The following ZNF420 variants were observed in gnomAD, a reference collection of about 807,000 sequenced individuals.
ZNF420 encodes the protein zinc finger protein 420, also known as ATM and p53-associated KZNF protein.
Under a neutral mutation model 44.7 loss-of-function variants are expected in ZNF420, and 31 were observed. The ratio of observed to expected loss-of-function variants is 0.69; its 90% confidence interval spans 0.52 to 0.94. The LOEUF (loss-of-function observed/expected upper bound fraction) is 0.94, where lower values mean the gene tolerates loss of function less well. Among genes scored for constraint, ZNF420 ranks in the 40% least tolerant of loss-of-function variants. ZNF420 has a pLI of 0.00. For missense variants in ZNF420, 681 were observed against 827.9 expected (o/e 0.82, Z 2.18); for synonymous variants, 245 against 267.4 (o/e 0.92, Z 0.82).
Position 37,029,419 on chromosome 19 carries a change from A to G in ZNF420, c.-125+21337A>G, listed in dbSNP as rs540584618. On this transcript the variant is annotated intron_variant, in intron 1 of 4. Coordinates refer to the ZNF420 transcript ENST00000587029. ...TAATGCATACATAAAATTCAATTCA[A>G]TAGGTATAAAAATGTTAAGTAACCT... Among the ~76,000 whole-genome samples the G allele has an allele frequency of 1.1e-4, 16 of 152,354 alleles. No individual in the cohort carries two copies. In the East Asian group the frequency reaches 3.1e-3, roughly 29 times the overall value.
At chr19:37,012,345 C>A (rs186170012) in intron 1 of ZNF420, among the ~76,000 whole-genome samples, 46 of 152,230 alleles carry the variant, frequency 3.0e-4, no homozygotes, top group Non-Finnish European at 6.0e-4. Context: ...GCGTGAGGCG[C>A]GAACAGATTC....
chr19:37,074,071 A>T (rs1394696756), upstream of ZNF420, among the ~76,000 whole-genome samples: 1 of 152,184 alleles, frequency 6.6e-6, no homozygotes, highest in Non-Finnish European at 1.5e-5. Flanking sequence ...CCATTTTGCA[A>T]CTCCTAACTT....
chr19:37,015,286 T>C (rs1319283460), intron 1 of ZNF420, among the ~76,000 whole-genome samples: 1 of 152,186 alleles, frequency 6.6e-6, no homozygotes, highest in African/African-American at 2.4e-5. Flanking sequence ...TTGTTTTGCT[T>C]GTAGTTCCTG....
intron 1 of ZNF420, among the ~76,000 whole-genome samples, chr19:37,047,804 AG>A (rs1340638589): frequency 6.6e-6 from 1 of 152,202 alleles, no homozygotes; most frequent in Admixed American, 6.5e-5. Context: ...CCTGTGAACT[AG>A]GTATTTCCTT....
At chr19:37,012,646 G>T (rs1308815618) in intron 1 of ZNF420, among the ~76,000 whole-genome samples, 1 of 152,202 alleles carries the variant, frequency 6.6e-6, no homozygotes, top group East Asian at 1.9e-4. Flanking sequence ...CTCGAGGACA[G>T]GTCTGCCTGT....
intron 1 of ZNF420, among the ~76,000 whole-genome samples, chr19:37,018,002 A>T (rs1368681435): frequency 6.6e-6 from 1 of 152,186 alleles, no homozygotes; most frequent in African/African-American, 2.4e-5. Context: ...AAAAAGTTTC[A>T]TTTCTATACA....
At chr19:37,080,768 C>T (rs994419168) in intron 2 of ZNF420, among the ~76,000 whole-genome samples, 2 of 151,976 alleles carry the variant, frequency 1.3e-5, no homozygotes, top group African/African-American at 4.8e-5. Flanking sequence ...AGCTTAAAAA[C>T]GATCACGGCC....
At chr19:37,050,051 C>G (rs992270521) in intron 1 of ZNF420, among the ~76,000 whole-genome samples, 2 of 152,102 alleles carry the variant, frequency 1.3e-5, no homozygotes, top group Non-Finnish European at 2.9e-5. Context: ...TTTCTGAGGG[C>G]TCTTTTCTGT....
At chr19:37,041,978 A>ATTTTCTTTTTTCTTTTATTTTCTGT (rs1568427231) in intron 1 of ZNF420, among the ~76,000 whole-genome samples, 1 of 151,928 alleles carries the variant, frequency 6.6e-6, no homozygotes, top group African/African-American at 2.4e-5. Context: ...TCCAGCGTCT[A>ATTTTCTTTTTTCTTTTATTTTCTGT]TTTTCTTTTT....
chr19:37,057,479 TC>T (rs1967780259), intron 1 of ZNF420, among the ~76,000 whole-genome samples: 1 of 146,710 alleles, frequency 6.8e-6, no homozygotes, highest in Non-Finnish European at 1.5e-5. Flanking sequence ...TGTCTCTCAC[TC>T]TCTGTCTGTT....
chr19:37,076,486 T>C (rs1277408826), upstream of ZNF420, among the ~76,000 whole-genome samples: 2 of 152,178 alleles, frequency 1.3e-5, no homozygotes, highest in Non-Finnish European at 2.9e-5. Context: ...TAACTCATCA[T>C]TTACATTAGA....
chr19:37,037,494 A>G (rs1451992297), intron 1 of ZNF420, among the ~76,000 whole-genome samples: 1 of 152,202 alleles, frequency 6.6e-6, no homozygotes, highest in African/African-American at 2.4e-5. Flanking sequence ...GCCCCAGGGC[A>G]TCTCCATTAT....
chr19:37,012,290 C>T (rs1462981286), intron 1 of ZNF420, among the ~76,000 whole-genome samples: 3 of 152,250 alleles, frequency 2.0e-5, no homozygotes, highest in African/African-American at 7.2e-5. Context: ...GGGCCGCAGC[C>T]TGACTTCCAG....
At chr19:37,076,370 TTTTATTTTTA>T (rs768779302), upstream of ZNF420, among the ~76,000 whole-genome samples, 523 of 147,426 alleles carry the variant, frequency 3.5e-3, 3 homozygotes, top group Middle Eastern at 0.022. Context: ...TCTTTTTTAT[TTTTATTTTTA>T]TTTATTTATT....
intron 1 of ZNF420, among the ~76,000 whole-genome samples, chr19:37,008,769 T>C (rs1442464297): frequency 3.3e-5 from 5 of 152,228 alleles, no homozygotes; most frequent in African/African-American, 1.2e-4. Context: ...GCCTGGGCTC[T>C]GGCCTCTGCT....
intron 1 of ZNF420, among the ~76,000 whole-genome samples, chr19:37,061,398 T>C (rs913746101): frequency 2.6e-5 from 4 of 152,252 alleles, no homozygotes; most frequent in Admixed American, 2.6e-4. Flanking sequence ...AGGGATTGTA[T>C]TGCAAATGAG....
At chr19:37,022,598 G>A (rs2146385496) in intron 1 of ZNF420, among the ~76,000 whole-genome samples, 1 of 151,846 alleles carries the variant, frequency 6.6e-6, no homozygotes, top group East Asian at 1.9e-4. Flanking sequence ...CAATTCCACA[G>A]AAATGAAAAA....
chr19:37,127,575 A>G lies in ZNF420; in HGVS notation c.584A>G (p.Tyr195Cys). Residue 195 changes from tyrosine to cysteine, a missense_variant, in exon 5 of 5, where the codon TAT becomes TGT. By Grantham distance (194) the Tyr-to-Cys change is radical (BLOSUM62 -2). Coordinates refer to ENST00000337995, the MANE Select transcript of ZNF420 (RefSeq NM_144689.5). ...HQRLHTGEKP[Y>C]ACKECGKAFT... ...AGACTTCATACTGGTGAGAAACCCTATGCATGTAAGGAATGTGGGAAGGCC... is the reference window on the plus strand; with the variant it reads ...AGACTTCATACTGGTGAGAAACCCTGTGCATGTAAGGAATGTGGGAAGGCC... 6.2e-7 allele frequency: 1 copy of G among 1,614,060 alleles called. No homozygotes were observed. Among genetic ancestry groups the G allele is most frequent in the Non-Finnish European group, 8.5e-7 (1 of 1,179,934 alleles).
intron 4 of ZNF420, among the ~76,000 whole-genome samples, chr19:37,113,737 T>G (rs1213589379): frequency 1.3e-5 from 2 of 152,204 alleles, no homozygotes; most frequent in African/African-American, 2.4e-5. Context: ...ACATTATTGC[T>G]TGTTAATTAG....
Sources: gnomAD v4.1 joint callset for allele counts (sites outside exome capture counted in the v4.1 genomes callset) on GRCh38, gnomAD v4.1.1 for gene constraint, MANE v1.5 for transcripts, NCBI Gene and HGNC (gene_info 2026-07-23, HGNC 2026-07-21) for gene names.